LRP1B: variants seen among roughly 807,000 people sequenced by gnomAD.
The protein encoded by LRP1B is low-density lipoprotein receptor-related protein 1B.
Under a neutral mutation model 556.6 loss-of-function variants are expected in LRP1B, and 217 were observed. The observed-to-expected ratio is 0.39, with a 90% CI of 0.35 to 0.44. The LOEUF (loss-of-function observed/expected upper bound fraction) is 0.44, where lower values mean the gene tolerates loss of function less well. Ranked by LOEUF, LRP1B falls within the 20% of genes least tolerant of loss-of-function variation. The probability of loss-of-function intolerance (pLI) is 1.00; values close to 1 mark genes in which losing one functional copy is unlikely to be tolerated. For missense variants in LRP1B, 5,053 were observed against 5,620.8 expected (o/e 0.90, Z 3.23); for synonymous variants, 2,047 against 1,865.8 (o/e 1.10, Z -2.50).
At chr2:140,817,300 T>G (rs1691156544) in intron 31 of LRP1B, among the ~76,000 whole-genome samples, 2 of 152,028 alleles carry the variant, frequency 1.3e-5, no homozygotes, top group South Asian at 2.1e-4. Flanking sequence ...GAAATCTAGA[T>G]CCAATAACAT....
intron 43 of LRP1B, among the ~76,000 whole-genome samples, chr2:140,588,313 G>T (rs535572972): frequency 6.6e-6 from 1 of 152,082 alleles, no homozygotes; most frequent in African/African-American, 2.4e-5. Context: ...AAACATAAAG[G>T]GATGTAAAGT....
chr2:140,433,824 GT>G (rs140960497), intron 66 of LRP1B, among the ~76,000 whole-genome samples: 18,922 of 147,400 alleles, frequency 0.13, 1,314 homozygotes, highest in African/African-American at 0.17. Flanking sequence ...TATTTCTTCT[GT>G]TTTTTTTTTC....
At chr2:140,581,297 G>C (rs905547155) in intron 43 of LRP1B, among the ~76,000 whole-genome samples, 12 of 152,084 alleles carry the variant, frequency 7.9e-5, no homozygotes, top group African/African-American at 2.7e-4. Flanking sequence ...AGCACAATAA[G>C]CCTTAAATAG....
intron 2 of LRP1B, among the ~76,000 whole-genome samples, chr2:141,496,370 T>G (rs2105123270): frequency 6.6e-6 from 1 of 152,206 alleles, no homozygotes; most frequent in Middle Eastern, 3.4e-3. Flanking sequence ...GGAATTAAAA[T>G]TCTGCATTTC....
At chr2:141,540,220 T>G (rs530438567) in intron 2 of LRP1B, among the ~76,000 whole-genome samples, 24 of 152,054 alleles carry the variant, frequency 1.6e-4, no homozygotes, top group Non-Finnish European at 2.2e-4. Context: ...TAAAACCTAC[T>G]TCACACCTTA....
intron 3 of LRP1B, among the ~76,000 whole-genome samples, chr2:141,291,750 G>C (rs1685962166): frequency 6.6e-6 from 1 of 150,630 alleles, no homozygotes; most frequent in South Asian, 2.1e-4. Flanking sequence ...CAGCTACTTG[G>C]GAGGCTGAGG....
chr2:141,055,108 C>T lies in LRP1B; in HGVS notation c.1552+8G>A, dbSNP rs2105455565. 6.2e-7 allele frequency: 1 copy of T among 1,611,090 alleles called. No individual in the cohort carries two copies. The highest frequency in any genetic ancestry group is 8.5e-7 in the Non-Finnish European group (1 of 1,178,506). On this transcript the variant is annotated splice_region_variant and intron_variant, in intron 10 of 90. Coordinates refer to ENST00000389484, the MANE Select transcript of LRP1B (RefSeq NM_018557.3). Reference sequence around the variant, plus strand: ...GCTGCTGGCAAATGTTTTATTTTAACAACATACTTTTGCATGACCTGCCAT... The same window carrying T: ...GCTGCTGGCAAATGTTTTATTTTAATAACATACTTTTGCATGACCTGCCAT...
At chr2:141,689,081 T>G (rs541547621) in intron 2 of LRP1B, among the ~76,000 whole-genome samples, 47 of 152,032 alleles carry the variant, frequency 3.1e-4, no homozygotes, top group East Asian at 1.6e-3. Flanking sequence ...CCTAAGGAAT[T>G]TCCTGGCTGA....
At chr2:142,118,119 C>T (rs1402943797) in intron 1 of LRP1B, among the ~76,000 whole-genome samples, 1 of 152,094 alleles carries the variant, frequency 6.6e-6, no homozygotes, top group East Asian at 1.9e-4. Flanking sequence ...AGGATTCCTA[C>T]TTCGGGTTCC....
chr2:141,475,205 T>C (rs1682653076), intron 3 of LRP1B, among the ~76,000 whole-genome samples: 2 of 152,050 alleles, frequency 1.3e-5, no homozygotes, highest in African/African-American at 2.4e-5. Flanking sequence ...AAACCCCCTC[T>C]ATACTAAAAA....
At chr2:141,244,085 A>G (rs1683981388) in intron 5 of LRP1B, among the ~76,000 whole-genome samples, 1 of 152,234 alleles carries the variant, frequency 6.6e-6, no homozygotes, top group South Asian at 2.1e-4. Flanking sequence ...AGAGATCATG[A>G]TACTGTTCTA....
chr2:141,878,511 A>G (rs1378549027), intron 1 of LRP1B, among the ~76,000 whole-genome samples: 1 of 152,010 alleles, frequency 6.6e-6, no homozygotes, highest in Non-Finnish European at 1.5e-5. Flanking sequence ...CAATAAACAA[A>G]TAGAATGGAG....
At chr2:141,068,736 G>A (rs763971955) in intron 7 of LRP1B, among the ~76,000 whole-genome samples, 3 of 151,706 alleles carry the variant, frequency 2.0e-5, no homozygotes, top group African/African-American at 4.8e-5. Context: ...AATGATTTGG[G>A]GCTGCTTTTC....
intron 31 of LRP1B, among the ~76,000 whole-genome samples, chr2:140,821,978 G>A (rs965374264): frequency 1.8e-4 from 27 of 150,564 alleles, no homozygotes; most frequent in African/African-American, 6.6e-4. Flanking sequence ...CAGCCTGGGC[G>A]ACAGAGTGAG....
chr2:140,874,352 G>A (rs1048374246), intron 25 of LRP1B, among the ~76,000 whole-genome samples: 6 of 151,954 alleles, frequency 3.9e-5, no homozygotes, highest in East Asian at 1.9e-4. Flanking sequence ...CTTTTAAAGG[G>A]AGCAAGATAG....
At chr2:140,417,807 G>T (rs982816217) in intron 66 of LRP1B, among the ~76,000 whole-genome samples, 10 of 152,168 alleles carry the variant, frequency 6.6e-5, no homozygotes, top group African/African-American at 2.2e-4. Flanking sequence ...GCATTTTACA[G>T]AATGTGATTA....
At chr2:140,727,988 A>C (rs1284724411) in intron 35 of LRP1B, among the ~76,000 whole-genome samples, 1 of 152,160 alleles carries the variant, frequency 6.6e-6, no homozygotes, top group East Asian at 1.9e-4. Flanking sequence ...ATAAAATGAA[A>C]TCTGCAGACT....
intron 1 of LRP1B, among the ~76,000 whole-genome samples, chr2:141,918,317 A>G (rs963217408): frequency 2.0e-5 from 3 of 152,116 alleles, no homozygotes; most frequent in Non-Finnish European, 4.4e-5. Context: ...ACTTCATGAC[A>G]TAGCAAATAT....
chr2:140,564,081 T>C (rs368236505), intron 43 of LRP1B, among the ~76,000 whole-genome samples: 33 of 152,294 alleles, frequency 2.2e-4, no homozygotes, highest in African/African-American at 7.0e-4. Flanking sequence ...TTTGCATTCA[T>C]TGAAAGAGAA....
Sources: allele counts gnomAD v4.1 joint callset (sites outside exome capture counted in the v4.1 genomes callset), GRCh38; gene constraint gnomAD v4.1.1; transcripts MANE v1.5; gene names NCBI Gene and HGNC (gene_info 2026-07-23, HGNC 2026-07-21).